The following CTNNA2 variants were observed in gnomAD, a reference collection of about 807,000 sequenced individuals.
The protein encoded by CTNNA2 is catenin alpha 2.
A neutral mutation model predicts 101.0 loss-of-function variants in CTNNA2; 42 were observed. The observed-to-expected ratio is 0.42, with a 90% CI of 0.32 to 0.54. CTNNA2 has a LOEUF of 0.54. CTNNA2 is among the 20% of genes least tolerant of loss of function. The pLI is 0.14. For missense variants in CTNNA2, 871 were observed against 1,223.1 expected, an observed-to-expected ratio of 0.71 and a Z score of 4.29; for synonymous variants, 450 against 456.4, an observed-to-expected ratio of 0.99 and a Z score of 0.18.
At chr2:79,816,935 C>T (rs1240065849) in intron 3 of CTNNA2, among the ~76,000 whole-genome samples, 2 of 152,150 alleles carry the variant, frequency 1.3e-5, no homozygotes, top group African/African-American at 2.4e-5. Flanking sequence ...CTAATGTGTA[C>T]CTCCTCATGA....
At chr2:80,437,481 A>T (rs560075100) in intron 9 of CTNNA2, among the ~76,000 whole-genome samples, 2 of 152,236 alleles carry the variant, frequency 1.3e-5, no homozygotes, top group Non-Finnish European at 2.9e-5. Flanking sequence ...GTCATATGTC[A>T]TGGTAGTCAG....
At chr2:80,571,591 T>C (rs1470404645) in intron 12 of CTNNA2, among the ~76,000 whole-genome samples, 1 of 152,168 alleles carries the variant, frequency 6.6e-6, no homozygotes, top group Non-Finnish European at 1.5e-5. Flanking sequence ...TAATGCACAG[T>C]TTTCATTTGT....
chr2:79,264,462 A>G (rs1289008675), intron 2 of CTNNA2, among the ~76,000 whole-genome samples: 2 of 152,200 alleles, frequency 1.3e-5, no homozygotes, highest in Non-Finnish European at 1.5e-5. Flanking sequence ...AGCAAATAAT[A>G]GTACATACTC....
intron 7 of CTNNA2, among the ~76,000 whole-genome samples, chr2:79,948,089 A>G (rs994997767): frequency 2.6e-5 from 4 of 152,170 alleles, no homozygotes; most frequent in African/African-American, 7.2e-5. Context: ...TAGCAGCTCA[A>G]TGCATATGTG....
At chr2:79,542,485 A>T (rs756390844) in intron 1 of CTNNA2, among the ~76,000 whole-genome samples, 2 of 152,048 alleles carry the variant, frequency 1.3e-5, no homozygotes, top group Admixed American at 6.6e-5. Context: ...GAATGTCTCA[A>T]TTTTTTTGTC....
chr2:80,117,228 A>C (rs1433199656), intron 7 of CTNNA2, among the ~76,000 whole-genome samples: 1 of 152,112 alleles, frequency 6.6e-6, no homozygotes, highest in Admixed American at 6.6e-5. Flanking sequence ...GGAGAGAAGA[A>C]AATAGAAAAC....
At chr2:79,747,280 G>T (rs1468152491) in intron 3 of CTNNA2, among the ~76,000 whole-genome samples, 4 of 152,186 alleles carry the variant, frequency 2.6e-5, no homozygotes, top group Non-Finnish European at 5.9e-5. Context: ...TATTCCTTCT[G>T]AATTGCAGAT....
At chr2:79,579,991 T>C (rs1676049954) in intron 1 of CTNNA2, among the ~76,000 whole-genome samples, 1 of 152,200 alleles carries the variant, frequency 6.6e-6, no homozygotes, top group Admixed American at 6.5e-5. Context: ...GAAAATTTAA[T>C]GGCAAATGCT....
At chr2:79,927,823 C>T (rs1183290806) in intron 7 of CTNNA2, among the ~76,000 whole-genome samples, 1 of 152,058 alleles carries the variant, frequency 6.6e-6, no homozygotes, top group Non-Finnish European at 1.5e-5. Flanking sequence ...TAGTATGAAG[C>T]ATGTTGCAGT....
At chr2:79,462,029 T>G (rs1175023605) in intron 4 of CTNNA2, among the ~76,000 whole-genome samples, 2 of 152,100 alleles carry the variant, frequency 1.3e-5, no homozygotes, top group Non-Finnish European at 2.9e-5. Flanking sequence ...TATGTTAAAT[T>G]TATTAATTTC....
chr2:79,196,875 A>T (rs907193203), intron 1 of CTNNA2, among the ~76,000 whole-genome samples: 2 of 152,156 alleles, frequency 1.3e-5, no homozygotes, highest in African/African-American at 4.8e-5. Context: ...TTGTTTAGGG[A>T]TGCATGCTTC....
At chr2:79,683,614 C>T (rs1316476347) in intron 2 of CTNNA2, among the ~76,000 whole-genome samples, 1 of 152,194 alleles carries the variant, frequency 6.6e-6, no homozygotes, top group East Asian at 1.9e-4. Context: ...CAAAGAAGCA[C>T]TCTTTTACAT....
intron 4 of CTNNA2, among the ~76,000 whole-genome samples, chr2:79,398,591 A>C (rs1409081876): frequency 2.6e-5 from 4 of 152,066 alleles, no homozygotes; most frequent in Admixed American, 2.0e-4. Context: ...ACATTACTAC[A>C]ATAATAATGC....
chr2:79,950,876 T>G (rs1237793249), intron 7 of CTNNA2, among the ~76,000 whole-genome samples: 1 of 152,128 alleles, frequency 6.6e-6, no homozygotes. Context: ...TGGGTTGCAC[T>G]GCGCTTCTGA....
intron 2 of CTNNA2, among the ~76,000 whole-genome samples, chr2:79,675,770 A>G (rs1054744940): frequency 6.6e-6 from 1 of 152,182 alleles, no homozygotes; most frequent in African/African-American, 2.4e-5. Context: ...GTTACTGAAT[A>G]AGAATTTCCA....
intron 3 of CTNNA2, among the ~76,000 whole-genome samples, chr2:79,814,166 T>C (rs1272613540): frequency 1.3e-5 from 2 of 152,172 alleles, no homozygotes; most frequent in African/African-American, 4.8e-5. Context: ...AACTTTTATA[T>C]ATATGATTTC....
At chr2:79,296,746 G>T (rs1675988805) in intron 2 of CTNNA2, among the ~76,000 whole-genome samples, 1 of 152,116 alleles carries the variant, frequency 6.6e-6, no homozygotes, top group East Asian at 1.9e-4. Flanking sequence ...GCGGTGCTTT[G>T]TCCAGAGGAT....
At chr2:80,557,580 C>G (rs1467113261) in intron 12 of CTNNA2, among the ~76,000 whole-genome samples, 1 of 152,132 alleles carries the variant, frequency 6.6e-6, no homozygotes, top group Admixed American at 6.5e-5. Context: ...CCTGCCCACT[C>G]ATGACTGGTG....
At chr2:79,318,795 T>C (rs929327683) in intron 3 of CTNNA2, among the ~76,000 whole-genome samples, 1 of 152,254 alleles carries the variant, frequency 6.6e-6, no homozygotes, top group Non-Finnish European at 1.5e-5. Flanking sequence ...GTAGAAATTG[T>C]ATGTCCTGCA....
Sources: gnomAD v4.1 joint callset for allele counts (sites outside exome capture counted in the v4.1 genomes callset) on GRCh38, gnomAD v4.1.1 for gene constraint, MANE v1.5 for transcripts, NCBI Gene and HGNC (gene_info 2026-07-23, HGNC 2026-07-21) for gene names.